FAT1: variants seen among roughly 807,000 people sequenced by gnomAD.
The protein encoded by FAT1 is FAT atypical cadherin 1.
FAT1 carries 171 observed loss-of-function variants against 329.8 expected under a neutral mutation model. The ratio of observed to expected loss-of-function variants is 0.52; its 90% confidence interval spans 0.46 to 0.59. The LOEUF is 0.59. Ranked by LOEUF, FAT1 falls within the 20% of genes least tolerant of loss-of-function variation. FAT1 has a pLI of 0.00. For synonymous variants in FAT1, 2,233 were observed against 2,228.6 expected, an observed-to-expected ratio of 1.00 and a Z score of -0.06; for missense variants, 5,672 against 5,774.4, an observed-to-expected ratio of 0.98 and a Z score of 0.57.
chr4:186,649,848 G>T (rs868611404), intron 3 of FAT1, among the ~76,000 whole-genome samples: 9 of 152,224 alleles, frequency 5.9e-5, no homozygotes, highest in Middle Eastern at 3.4e-3. Flanking sequence ...AACTACATAT[G>T]TTTAACATAT....
chr4:186,659,815 ACGACCC>A (rs1742082538), intron 3 of FAT1, among the ~76,000 whole-genome samples: 1 of 146,074 alleles, frequency 6.8e-6, no homozygotes, highest in African/African-American at 2.6e-5. Flanking sequence ...TGTCCCCTGA[ACGACCC>A]TGGGTGCTCC....
chr4:186,672,402 A>G (rs1183545692), intron 2 of FAT1, among the ~76,000 whole-genome samples: 1 of 152,186 alleles, frequency 6.6e-6, no homozygotes, highest in Non-Finnish European at 1.5e-5. Context: ...AAAATACAGT[A>G]AATCATGTAT....
intron 2 of FAT1, among the ~76,000 whole-genome samples, chr4:186,681,093 CAA>C (rs1236370582): frequency 1.3e-5 from 2 of 152,118 alleles, no homozygotes; most frequent in Non-Finnish European, 2.9e-5. Context: ...GAGAGGGAAA[CAA>C]GAGTGAATGT....
intron 2 of FAT1, among the ~76,000 whole-genome samples, chr4:186,685,283 A>G (rs769065566): frequency 2.6e-5 from 4 of 152,262 alleles, no homozygotes; most frequent in Non-Finnish European, 4.4e-5. Context: ...ATATCCTTAA[A>G]TAAAATGTCC....
rs1739554549 is a variant in FAT1, at chr4:186,613,348, A to T, written c.9230-6T>A. On this transcript the variant is annotated splice_polypyrimidine_tract_variant and splice_region_variant and intron_variant, in intron 12 of 26. Transcript: ENST00000441802. Reference sequence around the variant, plus strand: ...GGTTGACGTTTTCAGTTCACCTACAAACAAAAACAAATGGACTCACTTGTA... The same window carrying T: ...GGTTGACGTTTTCAGTTCACCTACATACAAAAACAAATGGACTCACTTGTA... 1 of 1,606,276 alleles carries T rather than the reference A, an allele frequency of 6.2e-7. No homozygotes were observed. Among genetic ancestry groups the T allele is most frequent in the African/African-American group, 1.3e-5 (1 of 74,760 alleles).
chr4:186,670,368 G>A (rs965554000), intron 2 of FAT1, among the ~76,000 whole-genome samples: 5 of 152,076 alleles, frequency 3.3e-5, no homozygotes, highest in African/African-American at 1.2e-4. Context: ...TAATTTTAAC[G>A]ATATTTTCCC....
intron 2 of FAT1, among the ~76,000 whole-genome samples, chr4:186,676,290 C>CCA (rs1560985674): frequency 6.6e-5 from 9 of 136,908 alleles, no homozygotes; most frequent in Non-Finnish European, 1.6e-5. Flanking sequence ...AAAAAAAAAA[C>CCA]AAAAAAAAAC....
intron 2 of FAT1, among the ~76,000 whole-genome samples, chr4:186,664,591 C>G (rs555000167): frequency 2.6e-5 from 4 of 152,280 alleles, no homozygotes; most frequent in South Asian, 2.1e-4. Flanking sequence ...TTGGTCCAGC[C>G]ACTGAAACCA....
chr4:186,623,338 C>T (rs796881274), intron 9 of FAT1, among the ~76,000 whole-genome samples: 9 of 152,172 alleles, frequency 5.9e-5, no homozygotes, highest in Non-Finnish European at 1.3e-4. Context: ...GTCGTCAGAA[C>T]GCCAAGATCC....
chr4:186,723,693 C>T lies in FAT1; in HGVS notation c.-48G>A, dbSNP rs1745569928. 1 of 151,446 alleles carries T rather than the reference C, an allele frequency of 6.6e-6. No homozygotes were observed. The highest frequency in any genetic ancestry group is 2.1e-4 in the South Asian group (1 of 4,818). The allele number at this position is 151,446 out of a possible 1,614,324, so 9.4% of individuals were successfully genotyped here. On this transcript the variant is annotated 5_prime_UTR_variant, in exon 1 of 27. Coordinates refer to ENST00000441802, the MANE Select transcript of FAT1 (RefSeq NM_005245.4). ...AAGTTGGCCCGAAGTGGCGACGGCG[C>T]TCTCGTGGAGCTCACCCGCCGTCTC...
intron 3 of FAT1, among the ~76,000 whole-genome samples, chr4:186,648,282 T>A (rs1741474308): frequency 6.6e-6 from 1 of 152,322 alleles, no homozygotes; most frequent in Admixed American, 6.5e-5. Flanking sequence ...TCAAATAAAT[T>A]TAAATATTAA....
chr4:186,600,839 T>C (rs918607205), intron 21 of FAT1, among the ~76,000 whole-genome samples: 2 of 152,160 alleles, frequency 1.3e-5, no homozygotes, highest in Admixed American at 1.3e-4. Flanking sequence ...GCCTCCTGAG[T>C]AGCTGGAATT....
chr4:186,605,615 GGGA>G (rs1276868634), intron 17 of FAT1, among the ~76,000 whole-genome samples: 1 of 143,762 alleles, frequency 7.0e-6, no homozygotes, highest in Non-Finnish European at 1.5e-5. Flanking sequence ...GGGAAGAGTG[GGGA>G]GGAGGAAGAG....
At chr4:186,696,086 C>A (rs1422048412) in intron 2 of FAT1, among the ~76,000 whole-genome samples, 1 of 152,212 alleles carries the variant, frequency 6.6e-6, no homozygotes, top group Non-Finnish European at 1.5e-5. Flanking sequence ...CCACAGCGCC[C>A]GGCCATAGGC....
intron 17 of FAT1, among the ~76,000 whole-genome samples, chr4:186,604,939 C>T (rs1487683944): frequency 6.6e-6 from 1 of 151,572 alleles, no homozygotes; most frequent in Non-Finnish European, 1.5e-5. Context: ...AGAGACGAGG[C>T]CAGGCGCGGT....
chr4:186,592,844 T>C, intron 26 of FAT1: 1 of 443,630 alleles, frequency 2.3e-6, no homozygotes, highest in Non-Finnish European at 4.6e-6. Context: ...ATACCATTTC[T>C]ACCTCAGATT....
rs757534738 is a variant in FAT1, at chr4:186,694,589, C to T, written c.3265+11974G>A. On this transcript the variant is annotated intron_variant, in intron 2 of 26. Coordinates refer to ENST00000441802, the MANE Select transcript of FAT1 (RefSeq NM_005245.4). ...TCTGGTAACTAACTAAATTTCCCCC[C>T]ATTATTCAACCACCCTTTAAAAGAA... Among the ~76,000 whole-genome samples the T allele has an allele frequency of 3.9e-5, 6 of 152,142 alleles. No individual in the cohort carries two copies. In the South Asian group the frequency reaches 8.3e-4, roughly 21 times the overall value.
intron 2 of FAT1, among the ~76,000 whole-genome samples, chr4:186,680,046 C>T (rs1743139662): frequency 6.6e-6 from 1 of 152,194 alleles, no homozygotes; most frequent in African/African-American, 2.4e-5. Context: ...CCAATGCTTT[C>T]ATTACCTAAT....
upstream of FAT1, among the ~76,000 whole-genome samples, chr4:186,724,804 C>T (rs1745660297): frequency 6.6e-6 from 1 of 152,204 alleles, no homozygotes; most frequent in Non-Finnish European, 1.5e-5. This position sits in a 1 kb window ranked among gnomAD's most constrained non-coding sequence, Gnocchi z 5.3. Context: ...CGGACTTGAT[C>T]TCGGAAAGTT....
Sources: allele counts gnomAD v4.1 joint callset (sites outside exome capture counted in the v4.1 genomes callset), GRCh38; gene constraint gnomAD v4.1.1; non-coding constraint Gnocchi (gnomAD v3.1); transcripts MANE v1.5; gene names NCBI Gene and HGNC (gene_info 2026-07-23, HGNC 2026-07-21).